DOCK1: variants seen among roughly 807,000 people sequenced by gnomAD.
DOCK1 encodes dedicator of cytokinesis protein 1.
In DOCK1, 138 loss-of-function variants were observed where a neutral mutation model predicts 262.7. The observed-to-expected ratio is 0.53, with a 90% confidence interval of 0.46 to 0.61. DOCK1 has a LOEUF of 0.61. Among genes scored for constraint, DOCK1 ranks in the 20% least tolerant of loss-of-function variants. The probability of loss-of-function intolerance (pLI) is 0.00; values close to 1 mark genes in which losing one functional copy is unlikely to be tolerated. For synonymous variants in DOCK1, 866 were observed against 867.4 expected (o/e 1.00, Z 0.03); for missense variants, 1,908 against 2,370.7 (o/e 0.80, Z 4.05).
chr10:127,217,377 A>G (rs1175437064), intron 27 of DOCK1, among the ~76,000 whole-genome samples: 1 of 152,240 alleles, frequency 6.6e-6, no homozygotes, highest in African/African-American at 2.4e-5. Flanking sequence ...TAAACTGATA[A>G]TATGCTGATT....
Position 127,293,759 on chromosome 10 carries a change from C to T in DOCK1, c.3044+36330C>T, listed in dbSNP as rs558093660. 7.7e-4 allele frequency among the ~76,000 whole-genome samples: 117 copies of T among 152,310 alleles called. 1 individual carries two copies. The highest frequency in any genetic ancestry group is 7.5e-3 in the Admixed American group (114 of 15,296). On this transcript the variant is annotated intron_variant, in intron 29 of 51. Transcript: ENST00000623213. The stretch of plus-strand genomic sequence containing the variant: ...CCCTTAGATACAGCACAGGGCCTAA[C>T]GTGTTGGTGGCACCCACTGTGTATT...
In DOCK1 at chr10:127,176,043, A is replaced by C. The variant is rs2133901919; in HGVS notation, c.2847+48279A>C. 6.2e-7 allele frequency: 1 copy of C among 1,613,954 alleles called. No individual in the cohort carries two copies. Among genetic ancestry groups the C allele is most frequent in the Non-Finnish European group, 8.5e-7 (1 of 1,179,998 alleles). ...GTTCCCCTTTTTGCGGTCCAGAGGG[A>C]ACGTCTGGTAACACTTCTTAAGGTC... On this transcript the variant is annotated intron_variant, in intron 27 of 51. Transcript: ENST00000623213. This position sits in a 1 kb window ranked among gnomAD's most constrained non-coding sequence, Gnocchi z 4.4.
At chr10:127,306,542 C>G (rs1176084704) in intron 29 of DOCK1, among the ~76,000 whole-genome samples, 2 of 152,056 alleles carry the variant, frequency 1.3e-5, no homozygotes, top group Non-Finnish European at 2.9e-5. Flanking sequence ...ACAAGCACAG[C>G]TTTTGGTACA....
At chr10:127,292,275 G>A (rs2061370568) in intron 29 of DOCK1, among the ~76,000 whole-genome samples, 1 of 152,174 alleles carries the variant, frequency 6.6e-6, no homozygotes. Context: ...GACACTGTGG[G>A]TTCTGTGCCA....
chr10:127,230,971 A>C (rs950579034), intron 27 of DOCK1, among the ~76,000 whole-genome samples: 2 of 151,842 alleles, frequency 1.3e-5, no homozygotes, highest in Non-Finnish European at 2.9e-5. Context: ...TATTTTTATC[A>C]TCTTCAGTTT....
intron 27 of DOCK1, among the ~76,000 whole-genome samples, chr10:127,207,665 G>A (rs2057786128): frequency 6.6e-6 from 1 of 152,138 alleles, no homozygotes; most frequent in Non-Finnish European, 1.5e-5. Context: ...TTCCTAAAGA[G>A]CTACATTATA....
At chr10:126,998,556 G>A (rs1233930203) in intron 8 of DOCK1, 4 of 236,426 alleles carry the variant, frequency 1.7e-5, no homozygotes, top group African/African-American at 8.8e-5. Flanking sequence ...TTCCTAAGTT[G>A]TCTTCGTAAG....
At chr10:127,261,191 G>C (rs1201466577) in intron 29 of DOCK1, among the ~76,000 whole-genome samples, 2 of 107,620 alleles carry the variant, frequency 1.9e-5, no homozygotes, top group Non-Finnish European at 1.9e-5. Context: ...GTGTGCATGC[G>C]GGTGTGTGTG....
At chr10:127,301,334 G>T (rs924111891) in intron 29 of DOCK1, among the ~76,000 whole-genome samples, 1 of 152,200 alleles carries the variant, frequency 6.6e-6, no homozygotes, top group African/African-American at 2.4e-5. Flanking sequence ...AAGTCAGGCT[G>T]CTTCCTTTGT....
chr10:127,084,145 A>G (rs1274329257), intron 23 of DOCK1, among the ~76,000 whole-genome samples: 2 of 152,112 alleles, frequency 1.3e-5, no homozygotes, highest in African/African-American at 2.4e-5. Context: ...CAGGTGTCTA[A>G]TGATTCATAA....
chr10:127,190,782 T>C (rs535372573), intron 27 of DOCK1, among the ~76,000 whole-genome samples: 6 of 149,224 alleles, frequency 4.0e-5, no homozygotes, highest in Non-Finnish European at 8.9e-5. Context: ...TCTTGCCACA[T>C]TACAAAGACT....
At chr10:127,293,575 C>T (rs1180420828) in intron 29 of DOCK1, among the ~76,000 whole-genome samples, 2 of 152,154 alleles carry the variant, frequency 1.3e-5, no homozygotes, top group Non-Finnish European at 2.9e-5. Context: ...AAGCATGCTT[C>T]CCCCTGACCC....
intron 1 of DOCK1, among the ~76,000 whole-genome samples, chr10:126,967,496 C>T (rs2037758591): frequency 6.6e-6 from 1 of 152,142 alleles, no homozygotes; most frequent in East Asian, 1.9e-4. Context: ...GCTTTTCACA[C>T]ACCTCCTTGT....
At chr10:127,346,626 A>G (rs1420403010) in intron 31 of DOCK1, among the ~76,000 whole-genome samples, 2 of 152,100 alleles carry the variant, frequency 1.3e-5, no homozygotes, top group African/African-American at 4.8e-5. Flanking sequence ...AAAAAAAAAC[A>G]TTAACCTCGA....
chr10:127,026,050 A>T, intron 15 of DOCK1: 1 of 269,308 alleles, frequency 3.7e-6, no homozygotes, highest in Non-Finnish European at 6.7e-6. Context: ...CAAGAGCGAA[A>T]CTCTGTATCA....
intron 27 of DOCK1, among the ~76,000 whole-genome samples, chr10:127,171,642 A>G (rs2054583421): frequency 6.6e-6 from 1 of 152,192 alleles, no homozygotes; most frequent in Non-Finnish European, 1.5e-5. Flanking sequence ...CCCAGCTTCA[A>G]GAGTGTTCTC....
intron 37 of DOCK1, among the ~76,000 whole-genome samples, chr10:127,384,373 T>G (rs1459343150): frequency 2.6e-5 from 4 of 152,218 alleles, no homozygotes; most frequent in Non-Finnish European, 4.4e-5. Flanking sequence ...AGTCCCTTTC[T>G]GGGTGACTTG....
At chr10:127,336,537 T>A (rs1375574932) in intron 29 of DOCK1, among the ~76,000 whole-genome samples, 1 of 144,320 alleles carries the variant, frequency 6.9e-6, no homozygotes, top group Non-Finnish European at 1.5e-5. Flanking sequence ...CATACATAGT[T>A]TTTTTTTTTT....
chr10:127,123,659 C>G (rs142301314), intron 25 of DOCK1, among the ~76,000 whole-genome samples: 4 of 152,240 alleles, frequency 2.6e-5, no homozygotes, highest in African/African-American at 9.6e-5. Context: ...CATGTGTTAG[C>G]GTTTCCAGGC....
Sources: allele counts gnomAD v4.1 joint callset (sites outside exome capture counted in the v4.1 genomes callset), GRCh38; gene constraint gnomAD v4.1.1; non-coding constraint Gnocchi (gnomAD v3.1); transcripts MANE v1.5; gene names NCBI Gene and HGNC (gene_info 2026-07-23, HGNC 2026-07-21).